Variants in IMPDH1 observed in about 807,000 individuals in gnomAD.
IMPDH1 encodes inosine-5'-monophosphate dehydrogenase 1.
In IMPDH1, 41 loss-of-function variants were observed where a neutral mutation model predicts 73.5. That is an observed-to-expected ratio of 0.56 (90% CI 0.43 to 0.72). The LOEUF is 0.72. IMPDH1 is among the 30% of genes least tolerant of loss of function. IMPDH1 has a pLI of 0.00. For missense variants in IMPDH1, 645 were observed against 824.8 expected (o/e 0.78, Z 2.67); for synonymous variants, 318 against 334.3 (o/e 0.95, Z 0.53).
In IMPDH1 at chr7:128,401,084, C is replaced by A; in HGVS notation, c.435G>T (p.Thr145=). 1.2e-6 allele frequency: 2 copies of A among 1,613,946 alleles called. No homozygotes were observed. The highest frequency in any genetic ancestry group is 1.7e-6 in the Non-Finnish European group (2 of 1,180,008). ...GGGAGGAGATCAGTGGCGTCTTCAG[C>A]GTGATCTTCCGGGTCAGGGCTGAGG... is the stretch of plus-strand genomic sequence containing the variant. ...DLTSALTRKI[T]LKTPLISSPM... Residue 145 remains threonine (T), a synonymous_variant, in exon 6 of 17, where the codon ACG becomes ACT. Transcript: ENST00000338791.
intron 5 of IMPDH1, among the ~76,000 whole-genome samples, 197 bp from the exon 6 acceptor site, chr7:128,401,313 A>G (rs1324117904): frequency 1.3e-5 from 2 of 152,250 alleles, no homozygotes; most frequent in Non-Finnish European, 2.9e-5. Context: ...TATGCTCAAG[A>G]TGACTTCAGT....
At chr7:128,408,447 C>G (rs1798918315) in intron 3 of IMPDH1, among the ~76,000 whole-genome samples, 1 of 152,150 alleles carries the variant, frequency 6.6e-6, no homozygotes, top group Non-Finnish European at 1.5e-5. Context: ...AGAATCCTGT[C>G]CTCTTCCCAC....
At position 128,392,776 on chromosome 7, in the gene IMPDH1, G is replaced by C. The variant is rs1042267; in HGVS notation, c.*231C>G. On this transcript the variant is annotated 3_prime_UTR_variant, in exon 17 of 17. Transcript: ENST00000338791. ...AGGGCCTGAGAGCCTGGCTGGCTGG[G>C]CTCGGAGGGGGGCTCCCAGGGCAGC... 139 of 552,692 alleles carry C rather than the reference G, an allele frequency of 2.5e-4. 2 individuals are homozygous for C. The highest frequency in any genetic ancestry group is 5.8e-5 in the Non-Finnish European group (18 of 308,056). The allele number at this position is 552,692 out of a possible 1,614,324, so 34.2% of individuals were successfully genotyped here. A position where few individuals can be genotyped will look rare whatever the true frequency, so the allele number is the denominator to read the frequency against.
chr7:128,400,136 G>A lies in IMPDH1; in HGVS notation c.833C>T (p.Thr278Met), dbSNP rs149093302. The A allele has an allele frequency of 9.9e-5, 160 of 1,613,848 alleles. 1 individual carries two copies. The African/African-American group carries it at 1.4e-3, about 14-fold the overall frequency. ...IELVVAPAGV[T>M]LKEANEILQR... Reference sequence around the variant, plus strand: ...CAGGATCTCATTTGCCTCTTTCAACGTCACACCTGCTGGAGCCACCACCAG... The same window carrying A: ...CAGGATCTCATTTGCCTCTTTCAACATCACACCTGCTGGAGCCACCACCAG... Residue 278 changes from threonine to methionine, a missense_variant, in exon 9 of 17, where the codon ACG becomes ATG. Thr to Met is a moderately conservative substitution (Grantham distance 81). Transcript: ENST00000338791.
Position 128,396,688 on chromosome 7 carries a change from T to C in IMPDH1, c.1173A>G (p.Thr391=), listed in dbSNP as rs138502867. Residue 391 remains threonine, a synonymous_variant, in exon 12 of 17, where the codon ACA becomes ACG. Coordinates refer to ENST00000338791, the MANE Select transcript of IMPDH1 (RefSeq NM_000883.4). The surrounding 1 kb of genome is among the most constrained non-coding windows in gnomAD (Gnocchi z 4.0). ...CAATCAGGTTCTTGGCCTGGGCTGC[T>C]GTCACCACTGGGGGTGGGGATGGGG... is the stretch of plus-strand genomic sequence containing the variant. The part of the protein sequence containing the change: ...HLQVIGGNVV[T]AAQAKNLIDA... 1.4e-4 allele frequency: 219 copies of C among 1,552,398 alleles called. 1 individual carries two copies. The African/African-American group carries it at 2.7e-3, about 19-fold the overall frequency.
rs1328014581 is a variant in IMPDH1, at chr7:128,408,507, T to A, written c.254+782A>T. 1.4e-4 allele frequency among the ~76,000 whole-genome samples: 21 copies of A among 149,026 alleles called. 1 individual carries two copies. The highest frequency in any genetic ancestry group is 5.2e-4 in the African/African-American group (21 of 40,736). ...GGAGGTCTGGCCAGCAGGTTTTGAATCTCACTACACCACCTGGCTGGGGCT... is the reference window on the plus strand; with the variant it reads ...GGAGGTCTGGCCAGCAGGTTTTGAAACTCACTACACCACCTGGCTGGGGCT... On this transcript the variant is annotated intron_variant, in intron 3 of 16. Coordinates refer to ENST00000338791, the MANE Select transcript of IMPDH1 (RefSeq NM_000883.4).
In IMPDH1 at chr7:128,394,218, C is replaced by A. The variant is rs1797739306; in HGVS notation, c.1778+60G>T. 1 of 1,424,414 alleles carries A rather than the reference C, an allele frequency of 7.0e-7. No homozygotes were observed. The allele number at this position is 1,424,414 out of a possible 1,614,324, so 88.2% of individuals were successfully genotyped here. ...GGAACCTCAGCTTGACCTCAGAACC[C>A]TGGCCCCACCTGCCCAACCCACTGC... On this transcript the variant is annotated intron_variant, in intron 16 of 16. Coordinates refer to ENST00000338791, the MANE Select transcript of IMPDH1 (RefSeq NM_000883.4). This position sits in a 1 kb window ranked among gnomAD's most constrained non-coding sequence, Gnocchi z 5.5.
chr7:128,393,055 C>T lies in IMPDH1; in HGVS notation c.1779-27G>A, dbSNP rs766147963. 1.9e-6 allele frequency: 3 copies of T among 1,613,698 alleles called. No individual in the cohort carries two copies. The South Asian group carries it at 3.3e-5, about 18-fold the overall frequency. On this transcript the variant is annotated intron_variant, in intron 16 of 16. Transcript: ENST00000338791. ...TGTGGGGACAAGGCAAGAGGGGGAACAAGAGTGGGTGTGTGGACCCTGCTC... is the reference window on the plus strand; with the variant it reads ...TGTGGGGACAAGGCAAGAGGGGGAATAAGAGTGGGTGTGTGGACCCTGCTC...
chr7:128,394,649 C>T lies in IMPDH1; in HGVS notation c.1551-50G>A. The T allele has an allele frequency of 6.2e-7, 1 of 1,606,624 alleles. No individual in the cohort carries two copies. The highest frequency in any genetic ancestry group is 1.1e-5 in the South Asian group (1 of 90,948). On this transcript the variant is annotated intron_variant, in intron 14 of 16. Transcript: ENST00000338791. This position sits in a 1 kb window ranked among gnomAD's most constrained non-coding sequence, Gnocchi z 5.5. ...CCCAGCAGCTTGAAGCTCAGAGGAC[C>T]CCACCCCACCTCTTAAGGGCAAAAA... is the stretch of plus-strand genomic sequence containing the variant.
chr7:128,395,150 C>T lies in IMPDH1; in HGVS notation c.1386G>A (p.Leu462=), dbSNP rs144587211. 48 of 1,614,076 alleles carry T rather than the reference C, an allele frequency of 3.0e-5. No homozygotes were observed. In the African/African-American group the frequency reaches 5.5e-4, roughly 18 times the overall value. Residue 462 remains leucine (L), a synonymous_variant, in exon 13 of 17, where the codon CTG becomes CTA. Coordinates refer to ENST00000338791, the MANE Select transcript of IMPDH1 (RefSeq NM_000883.4). ...IQTVGHVVKA[L]ALGASTVMMG... ...CCTCACCTGTGGAGGCTCCAAGGGCCAGGGCCTTGACCACGTGTCCCACGG... is the reference window on the plus strand; with the variant it reads ...CCTCACCTGTGGAGGCTCCAAGGGCTAGGGCCTTGACCACGTGTCCCACGG...
chr7:128,406,733 T>C (rs1226909299), intron 3 of IMPDH1, among the ~76,000 whole-genome samples: 1 of 152,234 alleles, frequency 6.6e-6, no homozygotes, highest in Non-Finnish European at 1.5e-5. Context: ...GGCCCAGTGC[T>C]TCGGCTCACC....
rs530913232 is a variant in IMPDH1, at chr7:128,403,893, C to T, written c.354-139G>A. The T allele has an allele frequency of 1.4e-3, 1,087 of 759,812 alleles. 19 individuals carry two copies. The South Asian group carries it at 0.015, about 11-fold the overall frequency. 47.1% of individuals were successfully genotyped at this position (759,812 alleles called of 1,614,324 possible). On this transcript the variant is annotated intron_variant, in intron 4 of 16. Coordinates refer to ENST00000338791, the MANE Select transcript of IMPDH1 (RefSeq NM_000883.4). ...GCTACAGCCCCCCATCCCTACTGCC[C>T]CATCAGGGCAGTTCCCACCTCGTGC...
At chr7:128,406,384 G>C (rs1006796441) in intron 3 of IMPDH1, among the ~76,000 whole-genome samples, 1 of 145,656 alleles carries the variant, frequency 6.9e-6, no homozygotes, top group African/African-American at 2.5e-5. Flanking sequence ...CCTCTAACAC[G>C]GTTCTGCCGT....
At chr7:128,402,021 CTCTTT>C (rs1378427677) in intron 5 of IMPDH1, among the ~76,000 whole-genome samples, 2 of 152,180 alleles carry the variant, frequency 1.3e-5, no homozygotes, top group Non-Finnish European at 2.9e-5. Flanking sequence ...ACACCATCTT[CTCTTT>C]TGTCATGCCA....
Position 128,405,665 on chromosome 7 carries a change from C to T in IMPDH1, c.353+102G>A. 7 of 1,434,892 alleles carry T rather than the reference C, an allele frequency of 4.9e-6. No homozygotes were observed. In the Admixed American group the frequency reaches 1.8e-4, roughly 36 times the overall value. The allele number at this position is 1,434,892 out of a possible 1,614,324, so 88.9% of individuals were successfully genotyped here. On this transcript the variant is annotated intron_variant, in intron 4 of 16. Coordinates refer to ENST00000338791, the MANE Select transcript of IMPDH1 (RefSeq NM_000883.4). ...CCCCAGCGCCCACAGCAGGCACTCGCACCGGGCAGGGAACGCCGGGGGAGC... is the reference window on the plus strand; with the variant it reads ...CCCCAGCGCCCACAGCAGGCACTCGTACCGGGCAGGGAACGCCGGGGGAGC...
In IMPDH1 at chr7:128,396,738, T is replaced by A. The variant is rs374507491; in HGVS notation, c.1166-43A>T. 6.8e-7 allele frequency: 1 copy of A among 1,470,418 alleles called. No individual in the cohort carries two copies. Among genetic ancestry groups the A allele is most frequent in the South Asian group, 1.2e-5 (1 of 82,620 alleles). The allele number at this position is 1,470,418 out of a possible 1,614,324, so 91.1% of individuals were successfully genotyped here. Reference sequence around the variant, plus strand: ...GCAGAGGAACAATGTGAGGATGGGATGCCCCTGCCTGCCCAACAGCCTCTT... The same window carrying A: ...GCAGAGGAACAATGTGAGGATGGGAAGCCCCTGCCTGCCCAACAGCCTCTT... On this transcript the variant is annotated intron_variant, in intron 11 of 16. Coordinates refer to ENST00000338791, the MANE Select transcript of IMPDH1 (RefSeq NM_000883.4). This position sits in a 1 kb window ranked among gnomAD's most constrained non-coding sequence, Gnocchi z 4.0.
At chr7:128,405,075 C>A (rs1243311302) in intron 4 of IMPDH1, among the ~76,000 whole-genome samples, 1 of 152,216 alleles carries the variant, frequency 6.6e-6, no homozygotes. Flanking sequence ...GGGCACAGTC[C>A]TGCAGCCAGG....
intron 5 of IMPDH1, among the ~76,000 whole-genome samples, chr7:128,403,369 C>A (rs539872878): frequency 5.4e-4 from 82 of 152,242 alleles, no homozygotes; most frequent in Non-Finnish European, 9.9e-4. Context: ...ACCAGCCTGG[C>A]CAACATGGTG....
rs1329525849 is a variant in IMPDH1, at chr7:128,398,606, C to G, written c.882G>C (p.Leu294=). ...GCTCATCGCAATCATTGACGATAGG[C>G]AGCTTCCCTGACAAGGAATGCAGGG... ...EILQRSKKGK[L]PIVNDCDELV... The change falls in exon 10 of 17, where the codon CTG becomes CTC. Residue 294 remains leucine (L), a synonymous_variant. Transcript: ENST00000338791. This position sits in a 1 kb window ranked among gnomAD's most constrained non-coding sequence, Gnocchi z 4.3. 1.2e-6 allele frequency: 2 copies of G among 1,612,566 alleles called. No individual in the cohort carries two copies. The highest frequency in any genetic ancestry group is 1.7e-6 in the Non-Finnish European group (2 of 1,179,016).
Sources: allele counts gnomAD v4.1 joint callset (sites outside exome capture counted in the v4.1 genomes callset), GRCh38; gene constraint gnomAD v4.1.1; non-coding constraint Gnocchi (gnomAD v3.1); transcripts MANE v1.5; gene names NCBI Gene and HGNC (gene_info 2026-07-23, HGNC 2026-07-21).